Variants in IMMP2L observed in about 807,000 individuals in gnomAD.
IMMP2L encodes the protein inner mitochondrial membrane peptidase subunit 2.
Under a neutral mutation model 19.3 loss-of-function variants are expected in IMMP2L, and 18 were observed. The ratio of observed to expected loss-of-function variants is 0.93; its 90% CI spans 0.64 to 1.38. IMMP2L has a LOEUF of 1.38. Among genes scored for constraint, IMMP2L ranks in the 40% most tolerant of loss-of-function variants. IMMP2L has a pLI of 0.00. For synonymous variants in IMMP2L, 76 were observed against 73.0 expected, an observed-to-expected ratio of 1.04 and a Z score of -0.21; for missense variants, 233 against 218.2, an observed-to-expected ratio of 1.07 and a Z score of -0.43.
At chr7:111,287,629 T>C (rs1584463588) in intron 3 of IMMP2L, among the ~76,000 whole-genome samples, 1 of 152,260 alleles carries the variant, frequency 6.6e-6, no homozygotes, top group East Asian at 1.9e-4. Context: ...AATGGCTACG[T>C]CGGCTTGCTA....
intron 3 of IMMP2L, among the ~76,000 whole-genome samples, chr7:111,389,342 A>G (rs74466492): frequency 0.047 from 7,146 of 152,210 alleles, 276 homozygotes; most frequent in South Asian, 0.084. Context: ...CTGGACATAT[A>G]AAGAACATCA....
chr7:110,931,133 T>C (rs1311919113), intron 4 of IMMP2L, among the ~76,000 whole-genome samples: 1 of 152,086 alleles, frequency 6.6e-6, no homozygotes, highest in African/African-American at 2.4e-5. Flanking sequence ...GGAGAACATA[T>C]GAGGGATTGG....
intron 5 of IMMP2L, among the ~76,000 whole-genome samples, 200 bp from the exon 6 acceptor site, chr7:110,663,921 G>A (rs895948541): frequency 6.6e-6 from 1 of 152,046 alleles, no homozygotes; most frequent in African/African-American, 2.4e-5. Flanking sequence ...ATTTTTCTAG[G>A]TGCTATTGTA....
intron 3 of IMMP2L, among the ~76,000 whole-genome samples, chr7:111,267,355 T>A (rs1376975852): frequency 6.6e-6 from 1 of 152,206 alleles, no homozygotes; most frequent in Non-Finnish European, 1.5e-5. Flanking sequence ...ATTACTAAGA[T>A]TTATTCAATG....
At chr7:111,547,998 A>G (rs1849092326) in intron 1 of IMMP2L, among the ~76,000 whole-genome samples, 1 of 152,132 alleles carries the variant, frequency 6.6e-6, no homozygotes, top group Admixed American at 6.5e-5. Flanking sequence ...CTGGGATTAC[A>G]GGTGTGAGCC....
chr7:111,400,167 A>G (rs1024591810), intron 3 of IMMP2L, among the ~76,000 whole-genome samples: 6 of 152,146 alleles, frequency 3.9e-5, no homozygotes, highest in Non-Finnish European at 7.3e-5. Context: ...GAATTTCAGA[A>G]GAACTATGTC....
chr7:110,684,442 A>G lies in IMMP2L; in HGVS notation c.409-20721T>C, dbSNP rs141239200. ...GATTACCCTCTGGTATGGATTATATATAACTTTACTCCACTGACTCAGATA... is the reference window on the plus strand; with the variant it reads ...GATTACCCTCTGGTATGGATTATATGTAACTTTACTCCACTGACTCAGATA... On this transcript the variant is annotated intron_variant, in intron 5 of 5. Coordinates refer to ENST00000405709, the MANE Select transcript of IMMP2L (RefSeq NM_032549.4). Among the ~76,000 whole-genome samples the G allele has an allele frequency of 1.9e-3, 293 of 152,198 alleles. 1 individual carries two copies. The highest frequency in any genetic ancestry group is 6.9e-3 in the African/African-American group (285 of 41,550).
intron 3 of IMMP2L, among the ~76,000 whole-genome samples, chr7:111,189,557 C>A (rs541537243): frequency 6.6e-6 from 1 of 151,572 alleles, no homozygotes; most frequent in African/African-American, 2.4e-5. Context: ...TAACCTAAGT[C>A]CTGAAAAAAA....
At chr7:111,273,276 CA>C (rs994635590) in intron 3 of IMMP2L, among the ~76,000 whole-genome samples, 2 of 147,644 alleles carry the variant, frequency 1.4e-5, no homozygotes, top group Non-Finnish European at 1.5e-5. Context: ...GACTCCATCT[CA>C]AAAAAAAAAT....
chr7:111,269,566 A>G (rs557241188), intron 3 of IMMP2L, among the ~76,000 whole-genome samples: 55 of 152,288 alleles, frequency 3.6e-4, no homozygotes, highest in Middle Eastern at 3.4e-3. Context: ...TATTAAACAC[A>G]CTATGAATAC....
chr7:110,816,996 T>C (rs1802583942), intron 5 of IMMP2L, among the ~76,000 whole-genome samples: 1 of 152,184 alleles, frequency 6.6e-6, no homozygotes, highest in Admixed American at 6.5e-5. Flanking sequence ...TGTGTGACTT[T>C]GGTCCTGTCA....
intron 5 of IMMP2L, among the ~76,000 whole-genome samples, chr7:110,805,512 G>A (rs1030955459): frequency 7.2e-5 from 11 of 151,974 alleles, no homozygotes; most frequent in South Asian, 4.2e-4. Context: ...CTTTAAATAC[G>A]TTAAATCTTC....
At chr7:110,725,980 A>G (rs1795859105) in intron 5 of IMMP2L, among the ~76,000 whole-genome samples, 1 of 152,196 alleles carries the variant, frequency 6.6e-6, no homozygotes, top group Non-Finnish European at 1.5e-5. Flanking sequence ...GGCAAGTACT[A>G]TTACTCCCAT....
intron 3 of IMMP2L, chr7:111,124,110 T>C (rs1264131814): frequency 6.2e-7 from 1 of 1,613,984 alleles, no homozygotes; most frequent in Non-Finnish European, 8.5e-7. Flanking sequence ...ACTGTAGAGC[T>C]ACTGCAGAAC....
chr7:110,896,198 A>T (rs1253660223), intron 4 of IMMP2L, among the ~76,000 whole-genome samples: 1 of 152,214 alleles, frequency 6.6e-6, no homozygotes, highest in Non-Finnish European at 1.5e-5. Context: ...TACTATTGTA[A>T]TTATAGCATA....
intron 5 of IMMP2L, among the ~76,000 whole-genome samples, chr7:110,755,489 G>A (rs937560030): frequency 1.3e-5 from 2 of 152,048 alleles, no homozygotes; most frequent in African/African-American, 4.8e-5. Context: ...TATGCATATT[G>A]TGTGATAGCC....
At chr7:110,703,389 GT>G (rs901085439) in intron 5 of IMMP2L, among the ~76,000 whole-genome samples, 19 of 150,850 alleles carry the variant, frequency 1.3e-4, no homozygotes, top group African/African-American at 2.7e-4. Context: ...TTGGTATGTA[GT>G]TTTTTTTTCT....
chr7:111,005,949 T>C (rs976569136), intron 3 of IMMP2L, among the ~76,000 whole-genome samples: 2 of 151,166 alleles, frequency 1.3e-5, no homozygotes, highest in Non-Finnish European at 2.9e-5. Context: ...GAGCAGAAAC[T>C]AATTTCAGAA....
chr7:110,966,636 TTAC>T (rs1193585131), intron 3 of IMMP2L, among the ~76,000 whole-genome samples: 3 of 152,030 alleles, frequency 2.0e-5, no homozygotes, highest in Non-Finnish European at 4.4e-5. Flanking sequence ...GTTTTACAAA[TTAC>T]TACTTCAAAT....
Sources: gnomAD v4.1 joint callset for allele counts (sites outside exome capture counted in the v4.1 genomes callset) on GRCh38, gnomAD v4.1.1 for gene constraint, MANE v1.5 for transcripts, NCBI Gene and HGNC (gene_info 2026-07-23, HGNC 2026-07-21) for gene names.